The following TRIO variants were observed in gnomAD, a reference collection of about 807,000 sequenced individuals.
TRIO encodes trio Rho guanine nucleotide exchange factor, also known as triple functional domain protein.
In TRIO, 58 loss-of-function variants were observed where a neutral mutation model predicts 351.9. That is an observed-to-expected ratio of 0.16 (90% CI 0.13 to 0.21). TRIO has a LOEUF of 0.21. TRIO is among the 10% of genes least tolerant of loss of function. The probability of loss-of-function intolerance (pLI) is 1.00; values close to 1 mark genes in which losing one functional copy is unlikely to be tolerated. For missense variants in TRIO, 3,201 were observed against 4,027.8 expected, an observed-to-expected ratio of 0.79 and a Z score of 5.56; for synonymous variants, 1,758 against 1,595.7, an observed-to-expected ratio of 1.10 and a Z score of -2.42.
intron 56 of TRIO, among the ~76,000 whole-genome samples, chr5:14,507,535 G>C (rs2126721609): frequency 6.6e-6 from 1 of 152,204 alleles, no homozygotes; most frequent in East Asian, 1.9e-4. Flanking sequence ...CGGTGGGTGT[G>C]GCGGGTGCAG....
intron 1 of TRIO, among the ~76,000 whole-genome samples, chr5:14,247,054 G>C (rs1158255327): frequency 6.6e-6 from 1 of 152,202 alleles, no homozygotes. Flanking sequence ...GGCCACCGCT[G>C]TCTGTCCACC....
At chr5:14,320,016 G>A (rs1352495591) in intron 9 of TRIO, among the ~76,000 whole-genome samples, 1 of 152,164 alleles carries the variant, frequency 6.6e-6, no homozygotes, top group South Asian at 2.1e-4. Flanking sequence ...GCGGGGAATT[G>A]GGAAGACCTG....
chr5:14,350,258 C>G (rs1742938508), intron 11 of TRIO, among the ~76,000 whole-genome samples: 3 of 152,196 alleles, frequency 2.0e-5, no homozygotes, highest in Non-Finnish European at 4.4e-5. Context: ...AGAGGAATTA[C>G]ACTTTGGCCA....
At chr5:14,421,038 C>G (rs1179861850) in intron 34 of TRIO, among the ~76,000 whole-genome samples, 1 of 152,028 alleles carries the variant, frequency 6.6e-6, no homozygotes, top group East Asian at 1.9e-4. Flanking sequence ...TTGTTTTTCC[C>G]TATGATACTC....
intron 1 of TRIO, among the ~76,000 whole-genome samples, chr5:14,262,942 C>T (rs557646314): frequency 6.6e-6 from 1 of 152,284 alleles, no homozygotes; most frequent in South Asian, 2.1e-4. Context: ...TCAAAACCCA[C>T]TATAATAGCC....
At position 14,508,465 on chromosome 5, in the gene TRIO, A is replaced by C. The variant is rs765810446; in HGVS notation, c.*43A>C. The stretch of plus-strand genomic sequence containing the variant: ...TCTCATTCTCTTTCACCTGCCAATC[A>C]GCTGTTAATCTGAATTTTCAAGAGA... On this transcript the variant is annotated 3_prime_UTR_variant, in exon 57 of 57. Coordinates refer to ENST00000344204, the MANE Select transcript of TRIO (RefSeq NM_007118.4). 1.9e-6 allele frequency: 3 copies of C among 1,541,354 alleles called. No homozygotes were observed. Among genetic ancestry groups the C allele is most frequent in the Non-Finnish European group, 2.6e-6 (3 of 1,144,946 alleles).
At chr5:14,192,299 G>A (rs781096527) in intron 1 of TRIO, among the ~76,000 whole-genome samples, 11 of 146,980 alleles carry the variant, frequency 7.5e-5, no homozygotes, top group South Asian at 2.1e-4. Flanking sequence ...TTGCTCTGTC[G>A]CCCAGGGTGG....
At chr5:14,338,160 C>A (rs1741600423) in intron 11 of TRIO, among the ~76,000 whole-genome samples, 2 of 152,324 alleles carry the variant, frequency 1.3e-5, no homozygotes, top group Non-Finnish European at 1.5e-5. Flanking sequence ...CCAGCCTCTG[C>A]TAGCTCTTTG....
chr5:14,388,708 CTTG>C, intron 24 of TRIO, 29 bp downstream of exon 24: 1 of 745,446 alleles, frequency 1.3e-6, no homozygotes, highest in South Asian at 2.7e-5. Context: ...TTTTTTTTTG[CTTG>C]TTTATTTAGA....
intron 33 of TRIO, among the ~76,000 whole-genome samples, chr5:14,414,620 T>C (rs1349126326): frequency 6.6e-6 from 1 of 152,132 alleles, no homozygotes; most frequent in African/African-American, 2.4e-5. Flanking sequence ...TTTTCTTTAA[T>C]TGTGGTTAAA....
Position 14,387,755 on chromosome 5 carries a change from C to T in TRIO, c.3789C>T (p.Ile1263=). ...AGAGTAAAAGTCTCCAGCTAGATAT[C>T]ATTCCAGCCAGTATCCCTGGCTCAG... is the stretch of plus-strand genomic sequence containing the variant. ...NKSSKSLQLD[I]IPASIPGSEV... Residue 1263 remains isoleucine (I), a synonymous_variant, in exon 23 of 57, where the codon ATC becomes ATT. Transcript: ENST00000344204. 2 of 1,614,222 alleles carry T rather than the reference C, an allele frequency of 1.2e-6. No homozygotes were observed. Among genetic ancestry groups the T allele is most frequent in the East Asian group, 4.5e-5 (2 of 44,890 alleles).
intron 29 of TRIO, among the ~76,000 whole-genome samples, chr5:14,398,613 C>T (rs1747811160): frequency 6.6e-6 from 1 of 151,824 alleles, no homozygotes. Context: ...CAGAGGCCCA[C>T]CAGAGGGATA....
chr5:14,390,491 C>T (rs1746971724), intron 26 of TRIO, 191 bp downstream of exon 26: 2 of 605,908 alleles, frequency 3.3e-6, no homozygotes, highest in Non-Finnish European at 5.8e-6. Flanking sequence ...TTTTATTGGC[C>T]CTGGTGATGG....
intron 21 of TRIO, among the ~76,000 whole-genome samples, chr5:14,383,032 C>T (rs1746249693): frequency 6.6e-6 from 1 of 152,148 alleles, no homozygotes; most frequent in Admixed American, 6.5e-5. Flanking sequence ...CTCAGTGCAT[C>T]CTCAAACTTC....
intron 43 of TRIO, 56 bp from the exon 44 acceptor site, chr5:14,481,178 G>T: frequency 1.3e-6 from 2 of 1,559,906 alleles, no homozygotes; most frequent in South Asian, 1.2e-5. Flanking sequence ...AAAAATAAAA[G>T]GTCAGCTGCT....
intron 1 of TRIO, among the ~76,000 whole-genome samples, chr5:14,150,641 G>A (rs1787775362): frequency 6.6e-6 from 1 of 152,138 alleles, no homozygotes; most frequent in East Asian, 1.9e-4. Flanking sequence ...TACATATTCA[G>A]CCTCACTCAT....
chr5:14,454,084 G>A (rs1243014994), intron 34 of TRIO, among the ~76,000 whole-genome samples: 1 of 152,010 alleles, frequency 6.6e-6, no homozygotes, highest in African/African-American at 2.4e-5. Context: ...CATGCGACAC[G>A]ATGCCAACTA....
At chr5:14,173,998 G>C (rs893924458) in intron 1 of TRIO, among the ~76,000 whole-genome samples, 1 of 152,240 alleles carries the variant, frequency 6.6e-6, no homozygotes, top group African/African-American at 2.4e-5. Context: ...GTCCATTTAT[G>C]CAAGGCTGTT....
intron 19 of TRIO, among the ~76,000 whole-genome samples, chr5:14,375,461 G>C (rs1317437661): frequency 6.6e-6 from 1 of 152,236 alleles, no homozygotes; most frequent in Non-Finnish European, 1.5e-5. Flanking sequence ...TCCCTCGTTA[G>C]ATCTTCATTA....
Sources: gnomAD v4.1 joint callset for allele counts (sites outside exome capture counted in the v4.1 genomes callset) on GRCh38, gnomAD v4.1.1 for gene constraint, MANE v1.5 for transcripts, NCBI Gene and HGNC (gene_info 2026-07-23, HGNC 2026-07-21) for gene names.